CDH4: variants seen among roughly 807,000 people sequenced by gnomAD.
CDH4 encodes cadherin 4.
CDH4 carries 33 observed loss-of-function variants against 86.0 expected under a neutral mutation model. The ratio of observed to expected loss-of-function variants is 0.38; its 90% CI spans 0.29 to 0.51. CDH4 has a LOEUF of 0.51. Ranked by LOEUF, CDH4 falls within the 20% of genes least tolerant of loss-of-function variation. The pLI, the probability that CDH4 is intolerant of heterozygous loss-of-function variation, is 0.86. For synonymous variants in CDH4, 555 were observed against 549.4 expected, an observed-to-expected ratio of 1.01 and a Z score of -0.14; for missense variants, 1,114 against 1,307.4, an observed-to-expected ratio of 0.85 and a Z score of 2.28.
intron 2 of CDH4, among the ~76,000 whole-genome samples, chr20:61,449,818 A>G (rs1261389986): frequency 6.6e-6 from 1 of 152,198 alleles, no homozygotes; most frequent in African/African-American, 2.4e-5. Flanking sequence ...TTAATTTTCT[A>G]TACCATTTTT....
At position 61,718,584 on chromosome 20, in the gene CDH4, C is replaced by T. The variant is rs149634457; in HGVS notation, c.170-24979C>T. Reference sequence around the variant, plus strand: ...CAGCCAAGCACCACCTGCACAGGCTCACAGGGCAGAGCGCTGCAGGGGCTA... The same window carrying T: ...CAGCCAAGCACCACCTGCACAGGCTTACAGGGCAGAGCGCTGCAGGGGCTA... On this transcript the variant is annotated intron_variant, in intron 2 of 15. Coordinates refer to ENST00000614565, the MANE Select transcript of CDH4 (RefSeq NM_001794.5). 8.5e-3 allele frequency: 2,984 copies of T among 349,424 alleles called. 77 individuals carry two copies. Among genetic ancestry groups the T allele is most frequent in the South Asian group, 0.035 (1,558 of 45,106 alleles). 21.6% of individuals were successfully genotyped at this position (349,424 alleles called of 1,614,324 possible).
At chr20:61,626,693 G>A (rs2086832839) in intron 2 of CDH4, among the ~76,000 whole-genome samples, 1 of 152,192 alleles carries the variant, frequency 6.6e-6, no homozygotes, top group Non-Finnish European at 1.5e-5. Context: ...TGGTCCTGGA[G>A]CCGGAGACAG....
chr20:61,375,508 GTGA>G (rs1381838843), intron 2 of CDH4, among the ~76,000 whole-genome samples: 13 of 144,574 alleles, frequency 9.0e-5, no homozygotes, highest in South Asian at 2.3e-4. Flanking sequence ...CTTGGTGGTG[GTGA>G]TGATGGTGTG....
At position 61,252,716 on chromosome 20, in the gene CDH4, G is replaced by C. The variant is rs1213899191; in HGVS notation, c.57+146G>C. On this transcript the variant is annotated intron_variant, in intron 1 of 15. Coordinates refer to ENST00000614565, the MANE Select transcript of CDH4 (RefSeq NM_001794.5). The surrounding 1 kb of genome is among the most constrained non-coding windows in gnomAD (Gnocchi z 4.4). ...CCGCTGCATCCAGCCCGGCGCCCGC[G>C]CTCGGCGAAGCTGCCTGCGGTCGGC... is the stretch of plus-strand genomic sequence containing the variant. The C allele has an allele frequency of 2.8e-6, 1 of 360,760 alleles. No homozygotes were observed. The highest frequency in any genetic ancestry group is 4.5e-6 in the Non-Finnish European group (1 of 222,164). The allele number at this position is 360,760 out of a possible 1,614,324, so 22.3% of individuals were successfully genotyped here.
chr20:61,829,515 G>A lies in CDH4; in HGVS notation c.577-15153G>A, dbSNP rs1264936146. Among the ~76,000 whole-genome samples, 1 of 152,222 alleles carries A rather than the reference G, an allele frequency of 6.6e-6. No individual in the cohort carries two copies. Among genetic ancestry groups the A allele is most frequent in the African/African-American group, 2.4e-5 (1 of 41,458 alleles). On this transcript the variant is annotated intron_variant, in intron 4 of 15. Transcript: ENST00000614565. The surrounding 1 kb of genome is among the most constrained non-coding windows in gnomAD (Gnocchi z 4.2). ...TGATTCTTAGGGTGTCTGCCCAGCA[G>A]TGGGATTGCTGGGTCACGCATGCAG...
Position 61,940,544 on chromosome 20 carries a change from C to A in CDH4, c.*3601C>A, listed in dbSNP as rs1204531022. ...AGTCTTGGTCCTGAACTCAGTAGAC[C>A]CTTGCGGAGCGGTTGTGCGCGGGCA... On this transcript the variant is annotated 3_prime_UTR_variant, in exon 16 of 16. Coordinates refer to ENST00000614565, the MANE Select transcript of CDH4 (RefSeq NM_001794.5). The A allele has an allele frequency of 6.6e-6, 1 of 152,146 alleles. No homozygotes were observed. The highest frequency in any genetic ancestry group is 1.5e-5 in the Non-Finnish European group (1 of 68,038). The allele number at this position is 152,146 out of a possible 1,614,324, so 9.4% of individuals were successfully genotyped here.
At chr20:61,891,474 C>G (rs1331807199) in intron 7 of CDH4, among the ~76,000 whole-genome samples, 1 of 152,244 alleles carries the variant, frequency 6.6e-6, no homozygotes, top group Non-Finnish European at 1.5e-5. Context: ...CAGTCCTCCC[C>G]CCTTCTCCAG....
At chr20:61,603,471 G>T (rs1043416154) in intron 2 of CDH4, among the ~76,000 whole-genome samples, 1 of 152,180 alleles carries the variant, frequency 6.6e-6, no homozygotes, top group Non-Finnish European at 1.5e-5. Flanking sequence ...TGTTTTGGGA[G>T]CCAGGAGAGG....
chr20:61,458,629 T>A (rs1352892244), intron 2 of CDH4, among the ~76,000 whole-genome samples: 1 of 151,998 alleles, frequency 6.6e-6, no homozygotes, highest in Non-Finnish European at 1.5e-5. Flanking sequence ...GTGACAGTAG[T>A]GGTATTGGTG....
At chr20:61,660,224 G>A (rs532252874) in intron 2 of CDH4, among the ~76,000 whole-genome samples, 78 of 152,296 alleles carry the variant, frequency 5.1e-4, no homozygotes, top group Non-Finnish European at 7.1e-4. Context: ...GCCCCTCCCC[G>A]TCTTTCCTTC....
intron 6 of CDH4, among the ~76,000 whole-genome samples, chr20:61,860,752 C>T (rs976144942): frequency 3.3e-5 from 5 of 152,204 alleles, no homozygotes; most frequent in African/African-American, 1.2e-4. Flanking sequence ...GGGTTGGCTA[C>T]AAGCCACAGC....
chr20:61,286,602 A>G (rs1423530289), intron 2 of CDH4, among the ~76,000 whole-genome samples: 7 of 152,236 alleles, frequency 4.6e-5, no homozygotes, highest in African/African-American at 1.7e-4. Flanking sequence ...TGTGCAAGTA[A>G]ACATATGACA....
intron 7 of CDH4, among the ~76,000 whole-genome samples, chr20:61,891,956 G>T (rs1482330590): frequency 6.6e-6 from 1 of 152,120 alleles, no homozygotes; most frequent in Non-Finnish European, 1.5e-5. Context: ...TGGAGCCCAA[G>T]GTCAGCAAAC....
rs567149729 is a variant in CDH4, at chr20:61,388,555, C to T, written c.169+133618C>T. ...ATTAGGTTTAACATCCCCTCATAGG[C>T]TCCACTGGCCGTGAGTGTTGCCTGT... On this transcript the variant is annotated intron_variant, in intron 2 of 15. Transcript: ENST00000614565. 9.8e-5 allele frequency among the ~76,000 whole-genome samples: 15 copies of T among 152,338 alleles called. No individual in the cohort carries two copies. The East Asian group carries it at 2.9e-3, about 29-fold the overall frequency.
intron 2 of CDH4, among the ~76,000 whole-genome samples, chr20:61,726,721 G>A (rs562820893): frequency 3.0e-4 from 44 of 148,832 alleles, no homozygotes; most frequent in East Asian, 2.0e-3. Context: ...CATCACCATC[G>A]CTGCCATCAT....
At chr20:61,899,424 C>T (rs1985280930) in intron 8 of CDH4, among the ~76,000 whole-genome samples, 1 of 152,208 alleles carries the variant, frequency 6.6e-6, no homozygotes, top group African/African-American at 2.4e-5. Context: ...TGAATAAAAT[C>T]AGGTTAATTT....
chr20:61,296,280 G>GGTGTGTGCGTGTGTGCGTGGGTGT (rs376683190), intron 2 of CDH4, among the ~76,000 whole-genome samples: 1 of 136,998 alleles, frequency 7.3e-6, no homozygotes, highest in Non-Finnish European at 1.6e-5. Flanking sequence ...TGTGTGCGTG[G>GGTGTGTGCGTGTGTGCGTGGGTGT]GTGCGTGTGT....
chr20:61,664,651 C>CAG (rs2087303110), intron 2 of CDH4, among the ~76,000 whole-genome samples: 1 of 152,212 alleles, frequency 6.6e-6, no homozygotes, highest in Admixed American at 6.5e-5. Context: ...TGCTTGTGTT[C>CAG]AGAGATAGAG....
intron 2 of CDH4, among the ~76,000 whole-genome samples, chr20:61,358,369 C>A (rs2084764872): frequency 6.6e-6 from 1 of 152,206 alleles, no homozygotes; most frequent in Non-Finnish European, 1.5e-5. Flanking sequence ...GCAGGCCTGA[C>A]ACTGACCTCC....
Sources: gnomAD v4.1 joint callset for allele counts (sites outside exome capture counted in the v4.1 genomes callset) on GRCh38, gnomAD v4.1.1 for gene constraint, Gnocchi (gnomAD v3.1) non-coding constraint, MANE v1.5 for transcripts, NCBI Gene and HGNC (gene_info 2026-07-23, HGNC 2026-07-21) for gene names.